RGS5: variants seen among roughly 807,000 people sequenced by gnomAD.
RGS5 encodes the protein regulator of G-protein signalling 5.
RGS5 carries 20 observed loss-of-function variants against 18.9 expected under a neutral mutation model. That is an observed-to-expected ratio of 1.06 (90% CI 0.74 to 1.54). The LOEUF (loss-of-function observed/expected upper bound fraction) is 1.54, where lower values mean the gene tolerates loss of function less well. Ranked by LOEUF, RGS5 falls within the 40% of genes most tolerant of loss-of-function variation. The pLI is 0.00. For synonymous variants in RGS5, 57 were observed against 76.2 expected, an observed-to-expected ratio of 0.75 and a Z score of 1.31; for missense variants, 201 against 211.8, an observed-to-expected ratio of 0.95 and a Z score of 0.32.
At chr1:163,238,862 T>A (rs1647704317) in intron 2 of RGS5, 1 of 167,546 alleles carries the variant, frequency 6.0e-6, no homozygotes, top group African/African-American at 2.4e-5. Context: ...GTTGCAAAAG[T>A]GGATTTGAGG....
chr1:163,181,971 T>C (rs190714732), intron 1 of RGS5, among the ~76,000 whole-genome samples: 15 of 152,260 alleles, frequency 9.9e-5, no homozygotes, highest in African/African-American at 1.4e-4. Context: ...TTCTAACTCA[T>C]AGATATGTTG....
chr1:163,298,088 C>T lies in RGS5; in HGVS notation c.-281+8145G>A, dbSNP rs147324798. Among the ~76,000 whole-genome samples the T allele has an allele frequency of 3.5e-4, 53 of 149,618 alleles. 1 individual carries two copies. The highest frequency in any genetic ancestry group is 3.4e-3 in the Middle Eastern group (1 of 292). ...TCTTTAATTTCCTTGTTTGATATAA[C>T]AAATATTTATTTGAACACTAACAAT... On this transcript the variant is annotated intron_variant, in intron 2 of 5. Coordinates refer to the RGS5 transcript ENST00000618415.
chr1:163,228,802 C>T (rs1449424057), intron 2 of RGS5, among the ~76,000 whole-genome samples: 1 of 152,168 alleles, frequency 6.6e-6, no homozygotes, highest in Non-Finnish European at 1.5e-5. Flanking sequence ...TTCAAAGTTC[C>T]ACAGATCTCT....
chr1:163,280,287 A>G (rs1437140737), intron 2 of RGS5, among the ~76,000 whole-genome samples: 1 of 152,160 alleles, frequency 6.6e-6, no homozygotes, highest in African/African-American at 2.4e-5. Context: ...ATGAAACTCA[A>G]TAACATCAAA....
chr1:163,214,448 C>CA (rs1334020550), intron 1 of RGS5, among the ~76,000 whole-genome samples: 1 of 152,154 alleles, frequency 6.6e-6, no homozygotes, highest in Non-Finnish European at 1.5e-5. Context: ...TCTATTACTA[C>CA]ATATATATAC....
upstream of RGS5, among the ~76,000 whole-genome samples, chr1:163,222,145 G>A (rs180949889): frequency 9.8e-4 from 149 of 152,118 alleles, no homozygotes; most frequent in Non-Finnish European, 1.8e-3. Flanking sequence ...CCCCCAGGCC[G>A]CCTGATCAGT....
At chr1:163,178,252 A>T (rs1025307885) in intron 1 of RGS5, among the ~76,000 whole-genome samples, 5 of 152,206 alleles carry the variant, frequency 3.3e-5, no homozygotes, top group African/African-American at 9.6e-5. Context: ...TGGAGGTTGC[A>T]GTGAACTGAG....
chr1:163,195,441 G>C (rs372743990), intron 1 of RGS5, among the ~76,000 whole-genome samples: 1 of 151,454 alleles, frequency 6.6e-6, no homozygotes, highest in Non-Finnish European at 1.5e-5. Context: ...GTGAAAGGGG[G>C]ATGAGGGATA....
chr1:163,252,281 C>T (rs1187610041), intron 2 of RGS5, among the ~76,000 whole-genome samples: 2 of 137,308 alleles, frequency 1.5e-5, no homozygotes, highest in Non-Finnish European at 3.2e-5. Context: ...GCCCATTTTC[C>T]AAATTTTACT....
At chr1:163,218,952 G>A (rs532922029), upstream of RGS5, among the ~76,000 whole-genome samples, 72 of 152,258 alleles carry the variant, frequency 4.7e-4, no homozygotes, top group Admixed American at 2.4e-3. Flanking sequence ...GTCTATAATT[G>A]CGTGAGGGCC....
At chr1:163,240,507 G>C (rs1290099039) in intron 2 of RGS5, among the ~76,000 whole-genome samples, 1 of 151,920 alleles carries the variant, frequency 6.6e-6, no homozygotes, top group Non-Finnish European at 1.5e-5. Flanking sequence ...GGAACTCTTA[G>C]GGATAATTGG....
chr1:163,177,750 C>T (rs1334124289), intron 1 of RGS5, among the ~76,000 whole-genome samples: 1 of 152,186 alleles, frequency 6.6e-6, no homozygotes, highest in African/African-American at 2.4e-5. Context: ...ATAATAATAG[C>T]TTAAATACAT....
Position 163,168,291 on chromosome 1 carries a change from T to C in RGS5, c.122A>G (p.Asn41Ser), listed in dbSNP as rs374711151. 5.6e-6 allele frequency: 9 copies of C among 1,613,712 alleles called. No homozygotes were observed. Among genetic ancestry groups the C allele is most frequent in the Non-Finnish European group, 5.9e-6 (7 of 1,179,800 alleles). Residue 41 changes from asparagine to serine, a missense_variant, in exon 2 of 5, where the codon AAT becomes AGT. By Grantham distance (46) the Asn-to-Ser change is conservative (BLOSUM62 1). Transcript: ENST00000313961. ...CTTGGCTGGTTTCTCTGGCTTCTCATTGTACGGAATGACAAGGTCACCAAC... is the reference window on the plus strand; with the variant it reads ...CTTGGCTGGTTTCTCTGGCTTCTCACTGTACGGAATGACAAGGTCACCAAC... ...DSVGDLVIPY[N>S]EKPEKPAKTQ...
intron 2 of RGS5, among the ~76,000 whole-genome samples, chr1:163,249,976 G>A (rs567869821): frequency 5.3e-5 from 8 of 152,218 alleles, no homozygotes; most frequent in South Asian, 2.1e-4. Flanking sequence ...TCAGTACGTG[G>A]TATTCCTGTT....
intron 1 of RGS5, among the ~76,000 whole-genome samples, chr1:163,310,091 T>C (rs1012065686): frequency 6.6e-6 from 1 of 152,244 alleles, no homozygotes; most frequent in African/African-American, 2.4e-5. Flanking sequence ...ATAGATGTGC[T>C]GTCATCAAGG....
At chr1:163,216,209 C>T (rs1016027737) in intron 1 of RGS5, among the ~76,000 whole-genome samples, 1 of 152,168 alleles carries the variant, frequency 6.6e-6, no homozygotes, top group African/African-American at 2.4e-5. Context: ...CTCCTTACCC[C>T]GTCTCAGCCC....
At chr1:163,257,291 G>C (rs1648298680) in intron 2 of RGS5, among the ~76,000 whole-genome samples, 1 of 152,100 alleles carries the variant, frequency 6.6e-6, no homozygotes, top group Non-Finnish European at 1.5e-5. Context: ...ACCTGGGGTT[G>C]GGGAGGGCGA....
chr1:163,243,311 G>A (rs1348042566), intron 2 of RGS5, among the ~76,000 whole-genome samples: 1 of 152,098 alleles, frequency 6.6e-6, no homozygotes, highest in African/African-American at 2.4e-5. Flanking sequence ...GTAAAGGGGA[G>A]GGAGAGCATT....
At chr1:163,154,385 G>A (rs1365752783) in intron 3 of RGS5, among the ~76,000 whole-genome samples, 1 of 152,060 alleles carries the variant, frequency 6.6e-6, no homozygotes, top group Non-Finnish European at 1.5e-5. Context: ...AGAATGGCTA[G>A]GATGATCGTT....
Sources: gnomAD v4.1 joint callset for allele counts (sites outside exome capture counted in the v4.1 genomes callset) on GRCh38, gnomAD v4.1.1 for gene constraint, MANE v1.5 for transcripts, NCBI Gene and HGNC (gene_info 2026-07-23, HGNC 2026-07-21) for gene names.